ATRN: variants seen among roughly 807,000 people sequenced by gnomAD.
ATRN encodes attractin-2.
In ATRN, 54 loss-of-function variants were observed where a neutral mutation model predicts 178.7. That is an observed-to-expected ratio of 0.30 (90% CI 0.24 to 0.38). The LOEUF is 0.38. Among genes scored for constraint, ATRN ranks in the 10% least tolerant of loss-of-function variants. ATRN has a pLI of 1.00. For synonymous variants in ATRN, 636 were observed against 663.0 expected, an observed-to-expected ratio of 0.96 and a Z score of 0.63; for missense variants, 1,443 against 1,815.1, an observed-to-expected ratio of 0.79 and a Z score of 3.73.
chr20:3,503,163 G>T lies in ATRN; in HGVS notation c.410+31646G>T, dbSNP rs1281167727. Among the ~76,000 whole-genome samples, 5 of 152,092 alleles carry T rather than the reference G, an allele frequency of 3.3e-5. No individual in the cohort carries two copies. The East Asian group carries it at 9.6e-4, about 29-fold the overall frequency. ...AAAGCAGGCTAAATAACACTGCAAA[G>T]GCTCTGTAAATTAGTCTGCTATTGG... On this transcript the variant is annotated intron_variant, in intron 1 of 28. Transcript: ENST00000262919.
intron 1 of ATRN, among the ~76,000 whole-genome samples, chr20:3,500,063 G>C (rs1246234404): frequency 6.6e-6 from 1 of 152,130 alleles, no homozygotes; most frequent in Non-Finnish European, 1.5e-5. Context: ...CATTTATGCA[G>C]CCAAAAAACA....
intron 24 of ATRN, among the ~76,000 whole-genome samples, chr20:3,617,167 G>T (rs2086855504): frequency 6.6e-6 from 1 of 152,156 alleles, no homozygotes; most frequent in Admixed American, 6.5e-5. Context: ...GCTGGCTGAG[G>T]TTGGCAACCA....
intron 1 of ATRN, among the ~76,000 whole-genome samples, chr20:3,473,932 G>A (rs2084472476): frequency 6.6e-6 from 1 of 152,172 alleles, no homozygotes. Flanking sequence ...GGTGGGGGAT[G>A]GTGAGGGAAA....
intron 24 of ATRN, among the ~76,000 whole-genome samples, chr20:3,623,734 G>A (rs2086914930): frequency 6.6e-6 from 1 of 152,156 alleles, no homozygotes; most frequent in African/African-American, 2.4e-5. Flanking sequence ...TATTATCGGT[G>A]ATAGTAAGGA....
intron 24 of ATRN, chr20:3,615,856 A>G (rs1238565158): frequency 2.2e-6 from 1 of 454,286 alleles, no homozygotes; most frequent in Non-Finnish European, 4.4e-6. Context: ...GGACGCATGG[A>G]CACAGGAAGG....
intron 26 of ATRN, among the ~76,000 whole-genome samples, chr20:3,637,661 C>T (rs1224015813): frequency 3.9e-5 from 6 of 152,066 alleles, no homozygotes; most frequent in African/African-American, 1.4e-4. Context: ...GATATGTGAA[C>T]GGCCGTTCAC....
At position 3,647,596 on chromosome 20, in the gene ATRN, C is replaced by G. The variant is rs2087117036; in HGVS notation, c.*749C>G. 6.6e-6 allele frequency: 1 copy of G among 152,240 alleles called. No individual in the cohort carries two copies. Among genetic ancestry groups the G allele is most frequent in the Admixed American group, 6.5e-5 (1 of 15,274 alleles). 9.4% of individuals were successfully genotyped at this position (152,240 alleles called of 1,614,324 possible). A position where few individuals can be genotyped will look rare whatever the true frequency, so the allele number is the denominator to read the frequency against. ...TCTCCTTCTCCATCTCACCCTCCCT[C>G]TCTCACACATACACACACAAACACA... is the stretch of plus-strand genomic sequence containing the variant. On this transcript the variant is annotated 3_prime_UTR_variant, in exon 29 of 29. Transcript: ENST00000262919.
Position 3,492,871 on chromosome 20 carries a change from GCACGCACA to G in ATRN, c.410+21358_410+21365del, listed in dbSNP as rs1401647075. Reference sequence around the variant, plus strand: ...GAGAGAGAGGCGCGCGCGCGCGTGCGCACGCACACACACACACACACACACATAACTAA... The same window carrying G: ...GAGAGAGAGGCGCGCGCGCGCGTGCGCACACACACACACACACATAACTAA... On this transcript the variant is annotated intron_variant, in intron 1 of 28. Transcript: ENST00000262919. Among the ~76,000 whole-genome samples the G allele has an allele frequency of 2.1e-3, 281 of 132,448 alleles. 6 individuals carry two copies. Among genetic ancestry groups the G allele is most frequent in the African/African-American group, 8.3e-3 (265 of 31,794 alleles). The allele number at this position is 132,448 out of a possible 152,430, so 86.9% of individuals were successfully genotyped here.
chr20:3,527,365 C>A (rs2085380549), intron 1 of ATRN, among the ~76,000 whole-genome samples: 1 of 152,074 alleles, frequency 6.6e-6, no homozygotes, highest in East Asian at 1.9e-4. Context: ...AAGTCAAAAC[C>A]ACAATGAGAT....
intron 1 of ATRN, among the ~76,000 whole-genome samples, chr20:3,486,014 T>C (rs2084689248): frequency 1.3e-5 from 2 of 152,198 alleles, no homozygotes; most frequent in African/African-American, 4.8e-5. Context: ...AATGCTCATA[T>C]AGCTGGGTCT....
chr20:3,591,454 C>A, intron 19 of ATRN, 148 bp downstream of exon 19: 1 of 1,068,896 alleles, frequency 9.4e-7, no homozygotes, highest in Non-Finnish European at 1.3e-6. Context: ...CTCAGCTGAG[C>A]TGGAAGAAAG....
intron 5 of ATRN, 32 bp from the exon 6 acceptor site, chr20:3,549,138 T>G: frequency 1.3e-6 from 2 of 1,545,320 alleles, no homozygotes; most frequent in Non-Finnish European, 1.7e-6. Flanking sequence ...AAAGCTGTCT[T>G]TTGTGAAGCT....
Position 3,608,990 on chromosome 20 carries a change from A to AG in ATRN, c.3801+4728_3801+4729insG, listed in dbSNP as rs1289714214. On this transcript the variant is annotated intron_variant, in intron 24 of 28. Transcript: ENST00000262919. ...CTCAAAAAAAAAAAGAAAAAAAAAA[A>AG]AAGAAATGCTTTGGCTATTTGAGGT... Among the ~76,000 whole-genome samples the AG allele has an allele frequency of 7.2e-5, 11 of 151,736 alleles. No homozygotes were observed. The South Asian group carries it at 1.3e-3, about 17-fold the overall frequency.
rs2146271789 is a variant in ATRN, at chr20:3,591,275, C to T, written c.3291C>T (p.Tyr1097=). ...KHCETCISGF[Y]GDPTNGGKCQ... ...GCGAGACCTGCATATCTGGCTTCTA[C>T]GGTGATCCCACCAATGGAGGGAAAT... The change falls in exon 19 of 29, where the codon TAC becomes TAT. Residue 1097 remains tyrosine, a synonymous_variant. Coordinates refer to ENST00000262919, the MANE Select transcript of ATRN (RefSeq NM_139321.3). 3.7e-6 allele frequency: 6 copies of T among 1,614,132 alleles called. No individual in the cohort carries two copies. Among genetic ancestry groups the T allele is most frequent in the African/African-American group, 2.7e-5 (2 of 75,048 alleles).
At chr20:3,561,390 A>C (rs1017805754) in intron 8 of ATRN, among the ~76,000 whole-genome samples, 4 of 152,240 alleles carry the variant, frequency 2.6e-5, no homozygotes, top group Non-Finnish European at 4.4e-5. Flanking sequence ...AGTGAAATGC[A>C]GATTATCGAT....
intron 1 of ATRN, among the ~76,000 whole-genome samples, chr20:3,492,969 T>G (rs1369009656): frequency 2.7e-5 from 4 of 146,650 alleles, no homozygotes; most frequent in Non-Finnish European, 1.5e-5. Flanking sequence ...TATAATATAC[T>G]ATATAGATAA....
chr20:3,592,845 G>A (rs1312494741), intron 19 of ATRN, among the ~76,000 whole-genome samples: 1 of 152,144 alleles, frequency 6.6e-6, no homozygotes, highest in African/African-American at 2.4e-5. Context: ...TAGTAGATGT[G>A]GGCAATTCTT....
intron 1 of ATRN, among the ~76,000 whole-genome samples, chr20:3,479,121 C>G (rs1435632047): frequency 6.6e-6 from 1 of 151,982 alleles, no homozygotes; most frequent in African/African-American, 2.4e-5. Flanking sequence ...GAACTCCTGT[C>G]CCCAAGAGAT....
At chr20:3,529,251 T>C (rs1017186055) in intron 1 of ATRN, among the ~76,000 whole-genome samples, 1 of 152,246 alleles carries the variant, frequency 6.6e-6, no homozygotes, top group African/African-American at 2.4e-5. Flanking sequence ...AGAACTCTCA[T>C]ATCTTGAAAA....
Sources: allele counts gnomAD v4.1 joint callset (sites outside exome capture counted in the v4.1 genomes callset), GRCh38; gene constraint gnomAD v4.1.1; transcripts MANE v1.5; gene names NCBI Gene and HGNC (gene_info 2026-07-23, HGNC 2026-07-21).